Variants in RIGI observed in about 807,000 individuals in gnomAD.
RIGI encodes the protein RNA sensor RIG-I, also known as antiviral innate immune response receptor RIG-I.
chr9:32,498,284 G>A, the RIGI span: 1 of 456,638 alleles, frequency 2.2e-6, no homozygotes, highest in Admixed American at 2.3e-5. Flanking sequence ...TTTTGAACAT[G>A]GGTCCCATAG....
At chr9:32,498,668 A>T in the RIGI span, among the ~76,000 whole-genome samples, 1 of 152,144 alleles carries the variant, frequency 6.6e-6, no homozygotes, top group Non-Finnish European at 1.5e-5. Context: ...ACATATGTGA[A>T]CCTACTATCC....
chr9:32,482,114 C>G, the RIGI span, among the ~76,000 whole-genome samples: 2 of 152,060 alleles, frequency 1.3e-5, no homozygotes, highest in African/African-American at 4.8e-5. Context: ...AATATGACAA[C>G]CTCCAAACTG....
the RIGI span, among the ~76,000 whole-genome samples, chr9:32,481,808 C>T: frequency 1.3e-5 from 2 of 152,190 alleles, no homozygotes; most frequent in Non-Finnish European, 2.9e-5. Flanking sequence ...TGGTTTCAAA[C>T]TCCTGACCTC....
the RIGI span, among the ~76,000 whole-genome samples, chr9:32,470,443 CAA>C: frequency 4.6e-5 from 7 of 152,174 alleles, no homozygotes; most frequent in Non-Finnish European, 1.0e-4. Flanking sequence ...TGTGTTCCCC[CAA>C]AAAGTTATTT....
At chr9:32,463,383 T>C in the RIGI span, among the ~76,000 whole-genome samples, 1 of 152,234 alleles carries the variant, frequency 6.6e-6, no homozygotes, top group Non-Finnish European at 1.5e-5. Flanking sequence ...TTTTCTTTTT[T>C]AATTTCTTTT....
chr9:32,473,771 T>A, the RIGI span, among the ~76,000 whole-genome samples: 3 of 152,204 alleles, frequency 2.0e-5, no homozygotes, highest in African/African-American at 7.2e-5. Context: ...CTCACACTTA[T>A]AATCCCAGCA....
the RIGI span, chr9:32,498,312 C>G: frequency 7.1e-4 from 322 of 456,734 alleles, 1 homozygote; most frequent in Admixed American, 7.1e-3. Flanking sequence ...TGAAGCTCAC[C>G]TGCCCAGGTG....
At chr9:32,480,483 C>G in the RIGI span, 31 of 925,262 alleles carry the variant, frequency 3.4e-5, no homozygotes, top group Admixed American at 2.0e-4. Context: ...TCCAACTTAG[C>G]TTTTTAAAGA....
At chr9:32,521,238 A>T in the RIGI span, among the ~76,000 whole-genome samples, 416 of 152,050 alleles carry the variant, frequency 2.7e-3, 2 homozygotes, top group African/African-American at 9.6e-3. Flanking sequence ...TAGCTTTAAC[A>T]TTAAAAATAT....
the RIGI span, among the ~76,000 whole-genome samples, chr9:32,501,102 C>T: frequency 6.6e-6 from 1 of 152,048 alleles, no homozygotes; most frequent in Non-Finnish European, 1.5e-5. Context: ...CTGCCCAGGC[C>T]GACTGTGCCC....
chr9:32,485,037 A>G, the RIGI span: 1 of 595,202 alleles, frequency 1.7e-6, no homozygotes, highest in African/African-American at 1.9e-5. Context: ...AGGCTCCTAA[A>G]TAACCTATAA....
the RIGI span, among the ~76,000 whole-genome samples, chr9:32,503,934 C>CGGGA: frequency 2.0e-5 from 3 of 151,718 alleles, no homozygotes; most frequent in South Asian, 2.1e-4. Flanking sequence ...CCCAGCTACT[C>CGGGA]GGGAGGCTGA....
the RIGI span, among the ~76,000 whole-genome samples, chr9:32,473,534 C>T: frequency 6.6e-6 from 1 of 152,074 alleles, no homozygotes; most frequent in South Asian, 2.1e-4. Context: ...ATCCACCCAC[C>T]TCATCCTCCC....
the RIGI span, among the ~76,000 whole-genome samples, chr9:32,465,064 C>T: frequency 1.1e-4 from 16 of 152,054 alleles, no homozygotes; most frequent in Admixed American, 7.2e-4. Flanking sequence ...AAAAATTATG[C>T]CATGGCTATT....
the RIGI span, among the ~76,000 whole-genome samples, chr9:32,464,762 C>T: frequency 6.6e-6 from 1 of 152,196 alleles, no homozygotes; most frequent in Non-Finnish European, 1.5e-5. Flanking sequence ...GATACCAACA[C>T]AACTCAGGCT....
the RIGI span, among the ~76,000 whole-genome samples, chr9:32,460,002 C>T: frequency 6.6e-6 from 1 of 152,114 alleles, no homozygotes; most frequent in African/African-American, 2.4e-5. Flanking sequence ...AACAGAATTC[C>T]CACGTGTTAT....
At chr9:32,504,034 T>C in the RIGI span, among the ~76,000 whole-genome samples, 1 of 40,550 alleles carries the variant, frequency 2.5e-5, no homozygotes, top group Non-Finnish European at 6.5e-5. Flanking sequence ...AGAGCAAGAC[T>C]CCAAACACAC....
At chr9:32,499,932 G>C in the RIGI span, among the ~76,000 whole-genome samples, 1 of 152,152 alleles carries the variant, frequency 6.6e-6, no homozygotes, top group Non-Finnish European at 1.5e-5. Context: ...AGTTTGTTCG[G>C]CTTTTAATAT....
At chr9:32,472,500 A>G in the RIGI span, among the ~76,000 whole-genome samples, 3 of 152,310 alleles carry the variant, frequency 2.0e-5, no homozygotes, top group East Asian at 3.9e-4. Context: ...TCAAGTCCCT[A>G]ATCAGTTGAC....
Sources: gnomAD v4.1 joint callset for allele counts (sites outside exome capture counted in the v4.1 genomes callset) on GRCh38, gnomAD v4.1.1 for gene constraint, MANE v1.5 for transcripts, NCBI Gene and HGNC (gene_info 2026-07-23, HGNC 2026-07-21) for gene names.